The following PAK3 variants were observed in gnomAD, a reference collection of about 807,000 sequenced individuals.
PAK3 encodes the protein serine/threonine-protein kinase PAK 3.
Under a neutral mutation model 41.0 loss-of-function variants are expected in PAK3, and 4 were observed. That is an observed-to-expected ratio of 0.10 (90% CI 0.05 to 0.22). The LOEUF (loss-of-function observed/expected upper bound fraction) is 0.22. PAK3 is among the 10% of genes least tolerant of loss of function. The pLI, the probability that PAK3 is intolerant of heterozygous loss-of-function variation, is 1.00. For synonymous variants in PAK3, 146 were observed against 139.6 expected (o/e 1.05, Z -0.32); for missense variants, 205 against 409.9 (o/e 0.50, Z 4.32).
chrX:111,170,508 A>G (rs1438859445), intron 10 of PAK3, among the ~76,000 whole-genome samples: 5 of 111,426 alleles, frequency 4.5e-5, no homozygotes, highest in African/African-American at 1.6e-4. Context: ...AATTAGCATG[A>G]AGTATTATCT....
rs752748891 is a variant in PAK3, at chrX:111,221,949, A to G, written c.*1502A>G. 2.4e-4 allele frequency: 27 copies of G among 112,228 alleles called. No homozygotes were observed. Among genetic ancestry groups the G allele is most frequent in the Non-Finnish European group, 4.5e-4 (24 of 53,193 alleles). 9.2% of individuals were successfully genotyped at this position (112,228 alleles called of 1,213,427 possible). A position where few individuals can be genotyped will look rare whatever the true frequency, so the allele number is the denominator to read the frequency against. Reference sequence around the variant, plus strand: ...CAAAATTTGACTACTATTTCACCATATATCTATTTATTAAAAAATTCAACA... The same window carrying G: ...CAAAATTTGACTACTATTTCACCATGTATCTATTTATTAAAAAATTCAACA... On this transcript the variant is annotated 3_prime_UTR_variant, in exon 18 of 18. Coordinates refer to ENST00000372007, the MANE Select transcript of PAK3 (RefSeq NM_002578.5).
chrX:111,005,608 A>G, intron 1 of PAK3, among the ~76,000 whole-genome samples: 1 of 111,599 alleles, frequency 9.0e-6, no homozygotes, highest in East Asian at 2.8e-4. Context: ...TGAGAAAGCA[A>G]TGTCCAATGC....
intron 5 of PAK3, among the ~76,000 whole-genome samples, chrX:111,138,580 A>G (rs2093825637): frequency 9.0e-6 from 1 of 111,085 alleles, no homozygotes; most frequent in African/African-American, 3.3e-5. Context: ...AAGGACTAAT[A>G]GGAGTGATCC....
chrX:111,155,254 A>C (rs998110906), intron 8 of PAK3, among the ~76,000 whole-genome samples: 1 of 110,540 alleles, frequency 9.0e-6, no homozygotes, highest in Non-Finnish European at 1.9e-5. Flanking sequence ...TAATCCCAGC[A>C]CTGTGGGAGG....
intron 16 of PAK3, 50 bp from the exon 17 acceptor site, chrX:111,216,371 A>T (rs1318461553): frequency 1.0e-5 from 10 of 1,001,799 alleles, no homozygotes; most frequent in Non-Finnish European, 1.4e-5. Context: ...GTGCCAAGCC[A>T]TGATTTTAAT....
intron 11 of PAK3, among the ~76,000 whole-genome samples, chrX:111,187,602 A>G (rs1421227917): frequency 9.0e-6 from 1 of 111,380 alleles, no homozygotes; most frequent in Non-Finnish European, 1.9e-5. Flanking sequence ...TGAATCTTGA[A>G]GGAAGTTGAG....
At chrX:111,067,025 AC>A (rs1359330656) in intron 1 of PAK3, among the ~76,000 whole-genome samples, 1 of 111,516 alleles carries the variant, frequency 9.0e-6, no homozygotes, top group Non-Finnish European at 1.9e-5. Context: ...TCATTTAACC[AC>A]CCTCCTGGAC....
chrX:111,041,010 G>A (rs1021227477), intron 1 of PAK3, among the ~76,000 whole-genome samples: 2 of 112,413 alleles, frequency 1.8e-5, no homozygotes, highest in Admixed American at 9.4e-5. Context: ...CAGTTCCTCA[G>A]TGGACCCTGT....
At chrX:111,028,346 G>T (rs959055473) in intron 1 of PAK3, among the ~76,000 whole-genome samples, 31 of 109,526 alleles carry the variant, frequency 2.8e-4, no homozygotes, top group African/African-American at 1.0e-3. Context: ...CACCACTAAA[G>T]AATTTATTCA....
At chrX:111,122,996 T>TA (rs2093600728) in intron 4 of PAK3, 81 bp from the exon 5 acceptor site, 4 of 622,329 alleles carry the variant, frequency 6.4e-6, no homozygotes, top group Non-Finnish European at 1.1e-5. Flanking sequence ...CTTTTGTTTC[T>TA]AAGATGTTAG....
chrX:111,040,589 A>G (rs553538718), intron 1 of PAK3, among the ~76,000 whole-genome samples: 1 of 112,196 alleles, frequency 8.9e-6, no homozygotes, highest in African/African-American at 3.2e-5. Flanking sequence ...GTGAGTGTCT[A>G]GGTAAATCAC....
At chrX:111,143,272 AAAG>A (rs1375549034) in intron 6 of PAK3, among the ~76,000 whole-genome samples, 3 of 111,519 alleles carry the variant, frequency 2.7e-5, no homozygotes, top group Non-Finnish European at 5.7e-5. Context: ...AAGCGGAAAA[AAAG>A]AAGGAACAAA....
intron 10 of PAK3, among the ~76,000 whole-genome samples, chrX:111,169,856 G>A (rs1413348417): frequency 1.8e-5 from 2 of 111,696 alleles, no homozygotes; most frequent in Non-Finnish European, 1.9e-5. Flanking sequence ...GTGGGGAAGT[G>A]GTAAATGATG....
intron 1 of PAK3, among the ~76,000 whole-genome samples, chrX:111,087,486 C>A (rs143249488): frequency 0.02 from 2,217 of 108,821 alleles, 54 homozygotes; most frequent in African/African-American, 0.07. Flanking sequence ...AACAACAGCA[C>A]ACTGAGATCT....
intron 11 of PAK3, among the ~76,000 whole-genome samples, chrX:111,176,981 A>AC (rs1308181099): frequency 2.9e-5 from 3 of 104,655 alleles, no homozygotes; most frequent in Non-Finnish European, 5.8e-5. Flanking sequence ...AAAAAAAAAA[A>AC]CCCACCTCCC....
At chrX:111,177,094 G>T (rs2094414689) in intron 11 of PAK3, among the ~76,000 whole-genome samples, 1 of 108,943 alleles carries the variant, frequency 9.2e-6, no homozygotes, top group African/African-American at 3.4e-5. Context: ...CTCTCAATAT[G>T]TAGAGTTTTT....
intron 1 of PAK3, among the ~76,000 whole-genome samples, chrX:110,974,567 T>A (rs991062658): frequency 1.8e-5 from 2 of 111,545 alleles, no homozygotes; most frequent in Non-Finnish European, 3.8e-5. Context: ...CTGAAACTAT[T>A]CCAATGAATA....
intron 1 of PAK3, among the ~76,000 whole-genome samples, chrX:111,046,840 C>T (rs1017005983): frequency 1.8e-5 from 2 of 112,210 alleles, no homozygotes; most frequent in Non-Finnish European, 3.8e-5. Flanking sequence ...ATCTTTCCCA[C>T]ATGCACTCTC....
chrX:111,069,822 T>G (rs1443017777), intron 1 of PAK3, among the ~76,000 whole-genome samples: 1 of 111,432 alleles, frequency 9.0e-6, no homozygotes, highest in Non-Finnish European at 1.9e-5. Context: ...AGAACAGTGT[T>G]TCCTTTCTGT....
Sources: allele counts gnomAD v4.1 joint callset (sites outside exome capture counted in the v4.1 genomes callset), GRCh38; gene constraint gnomAD v4.1.1; transcripts MANE v1.5; gene names NCBI Gene and HGNC (gene_info 2026-07-23, HGNC 2026-07-21).